SUPT3H: variants seen among roughly 807,000 people sequenced by gnomAD.
SUPT3H encodes SPT3 homolog, SAGA and STAGA complex component, also known as transcription initiation protein SPT3 homolog.
SUPT3H carries 44 observed loss-of-function variants against 44.3 expected under a neutral mutation model. The ratio of observed to expected loss-of-function variants is 0.99; its 90% CI spans 0.78 to 1.28. The LOEUF (loss-of-function observed/expected upper bound fraction) is 1.28, where lower values mean the gene tolerates loss of function less well. Ranked by LOEUF, SUPT3H falls within the 50% of genes most tolerant of loss-of-function variation. The probability of loss-of-function intolerance (pLI) is 0.00; values close to 1 mark genes in which losing one functional copy is unlikely to be tolerated. For missense variants in SUPT3H, 380 were observed against 387.1 expected, an observed-to-expected ratio of 0.98 and a Z score of 0.15; for synonymous variants, 124 against 125.6, an observed-to-expected ratio of 0.99 and a Z score of 0.09.
At chr6:45,336,710 T>C (rs2150111682) in intron 2 of SUPT3H, among the ~76,000 whole-genome samples, 1 of 151,520 alleles carries the variant, frequency 6.6e-6, no homozygotes, top group South Asian at 2.1e-4. Context: ...GTATTTTTAA[T>C]AAAGTATTTA....
intron 2 of SUPT3H, among the ~76,000 whole-genome samples, chr6:45,226,141 A>G (rs968607247): frequency 3.9e-5 from 6 of 152,168 alleles, no homozygotes; most frequent in Non-Finnish European, 8.8e-5. Context: ...TGATAATCCT[A>G]TAATTTTACA....
intron 2 of SUPT3H, among the ~76,000 whole-genome samples, chr6:45,163,873 A>ATACC (rs771487764): frequency 6.6e-6 from 1 of 152,022 alleles, no homozygotes; most frequent in Non-Finnish European, 1.5e-5. Context: ...ACTCTGTCAC[A>ATACC]TACCTACCCC....
chr6:45,008,526 T>C (rs1348897538), intron 5 of SUPT3H, among the ~76,000 whole-genome samples: 1 of 150,506 alleles, frequency 6.6e-6, no homozygotes, highest in Non-Finnish European at 1.5e-5. Flanking sequence ...GGCTAATTAA[T>C]TTTTTTTTTC....
At chr6:45,277,990 G>C (rs1777306782) in intron 2 of SUPT3H, among the ~76,000 whole-genome samples, 1 of 152,158 alleles carries the variant, frequency 6.6e-6, no homozygotes. Flanking sequence ...CATGGATGAA[G>C]CTGGAAACCC....
intron 3 of SUPT3H, among the ~76,000 whole-genome samples, chr6:45,068,116 T>C (rs1310037919): frequency 6.7e-6 from 1 of 148,964 alleles, no homozygotes; most frequent in Non-Finnish European, 1.5e-5. Context: ...ATATATACCA[T>C]GGAATACTAT....
At chr6:45,077,537 G>A (rs1480990261) in intron 3 of SUPT3H, among the ~76,000 whole-genome samples, 3 of 146,848 alleles carry the variant, frequency 2.0e-5, no homozygotes, top group Admixed American at 1.4e-4. Context: ...TGTGGTGGGA[G>A]GATCACTTGA....
chr6:45,102,778 T>C (rs1393098231), intron 3 of SUPT3H, among the ~76,000 whole-genome samples: 1 of 151,818 alleles, frequency 6.6e-6, no homozygotes, highest in Non-Finnish European at 1.5e-5. Flanking sequence ...TTGTCTCTCC[T>C]AAAAATACAA....
chr6:45,271,593 T>C (rs146285060), intron 2 of SUPT3H, among the ~76,000 whole-genome samples: 4 of 152,254 alleles, frequency 2.6e-5, no homozygotes, highest in Admixed American at 1.3e-4. Context: ...ACGCTGAAGT[T>C]TGCAGTAGGG....
At chr6:44,930,252 G>A (rs991806810) in intron 10 of SUPT3H, among the ~76,000 whole-genome samples, 18 of 152,064 alleles carry the variant, frequency 1.2e-4, no homozygotes, top group African/African-American at 3.9e-4. Context: ...GTGATGGCGG[G>A]TGCCTGTAGT....
At chr6:45,284,159 C>A (rs1021677859) in intron 2 of SUPT3H, among the ~76,000 whole-genome samples, 25 of 152,084 alleles carry the variant, frequency 1.6e-4, no homozygotes, top group African/African-American at 6.0e-4. Context: ...CTAAAATTGA[C>A]ACCCTAACAT....
At chr6:44,855,436 A>C (rs1206200304) in intron 10 of SUPT3H, among the ~76,000 whole-genome samples, 2 of 152,012 alleles carry the variant, frequency 1.3e-5, no homozygotes, top group African/African-American at 4.8e-5. Flanking sequence ...AGTTTTTCTT[A>C]TTTGCTCTCC....
At chr6:44,891,553 C>T (rs1054886260) in intron 10 of SUPT3H, among the ~76,000 whole-genome samples, 3 of 151,846 alleles carry the variant, frequency 2.0e-5, no homozygotes, top group African/African-American at 7.3e-5. Flanking sequence ...TAGGCAAATT[C>T]TTATAGATAG....
intron 2 of SUPT3H, among the ~76,000 whole-genome samples, chr6:45,313,231 T>C (rs1270401612): frequency 2.0e-5 from 3 of 151,392 alleles, no homozygotes; most frequent in African/African-American, 7.3e-5. Context: ...CTCAGGGAAC[T>C]ACAGAAACAA....
intron 2 of SUPT3H, among the ~76,000 whole-genome samples, chr6:45,107,378 T>C (rs1475034555): frequency 6.6e-6 from 1 of 152,128 alleles, no homozygotes; most frequent in East Asian, 1.9e-4. Flanking sequence ...AGGTAGGAAA[T>C]CAGTTTGAGA....
chr6:45,157,099 TG>T (rs1807953528), intron 2 of SUPT3H, among the ~76,000 whole-genome samples: 1 of 152,162 alleles, frequency 6.6e-6, no homozygotes. Context: ...GTTAAAACAC[TG>T]GTGAAATCTT....
chr6:45,262,483 T>C (rs1359270199), intron 2 of SUPT3H, among the ~76,000 whole-genome samples: 1 of 152,104 alleles, frequency 6.6e-6, no homozygotes, highest in African/African-American at 2.4e-5. Flanking sequence ...CCTGGACCCC[T>C]TCCTTTCACC....
chr6:45,067,698 A>T (rs1793616762), intron 3 of SUPT3H, among the ~76,000 whole-genome samples: 1 of 150,348 alleles, frequency 6.7e-6, no homozygotes, highest in African/African-American at 2.4e-5. Context: ...TGCAGCCAAG[A>T]AACACATGAA....
chr6:45,177,666 A>G (rs1404844088), intron 2 of SUPT3H, among the ~76,000 whole-genome samples: 2 of 151,324 alleles, frequency 1.3e-5, no homozygotes, highest in East Asian at 3.8e-4. Context: ...GGGCAGCCAC[A>G]GAGAAAGGTC....
intron 2 of SUPT3H, among the ~76,000 whole-genome samples, chr6:45,185,238 G>A (rs572370249): frequency 6.6e-6 from 1 of 152,196 alleles, no homozygotes; most frequent in East Asian, 1.9e-4. Flanking sequence ...ACAGCTAATC[G>A]CCACTATGTC....
Sources: gnomAD v4.1 joint callset for allele counts (sites outside exome capture counted in the v4.1 genomes callset) on GRCh38, gnomAD v4.1.1 for gene constraint, MANE v1.5 for transcripts, NCBI Gene and HGNC (gene_info 2026-07-23, HGNC 2026-07-21) for gene names.